Variants in ZCCHC14 observed in about 807,000 individuals in gnomAD.
ZCCHC14 encodes zinc finger CCHC-type containing 14.
Under a neutral mutation model 85.0 loss-of-function variants are expected in ZCCHC14, and 16 were observed. The observed-to-expected ratio is 0.19, with a 90% CI of 0.13 to 0.29. The LOEUF (loss-of-function observed/expected upper bound fraction) is 0.29. Ranked by LOEUF, ZCCHC14 falls within the 10% of genes least tolerant of loss-of-function variation. The pLI, the probability that ZCCHC14 is intolerant of heterozygous loss-of-function variation, is 1.00. For synonymous variants in ZCCHC14, 775 were observed against 630.7 expected, an observed-to-expected ratio of 1.23 and a Z score of -3.43; for missense variants, 1,303 against 1,443.5, an observed-to-expected ratio of 0.90 and a Z score of 1.58.
At chr16:87,437,074 C>A (rs965416491) in intron 2 of ZCCHC14, among the ~76,000 whole-genome samples, 5 of 152,086 alleles carry the variant, frequency 3.3e-5, no homozygotes, top group African/African-American at 1.2e-4. Context: ...CGGGAGCTCA[C>A]ACCTGTAATC....
intron 3 of ZCCHC14, among the ~76,000 whole-genome samples, chr16:87,426,434 C>T (rs973790662): frequency 1.3e-5 from 2 of 152,242 alleles, no homozygotes; most frequent in African/African-American, 4.8e-5. Context: ...GCTACTTAGC[C>T]TTATCTGGAC....
rs1908339482 is a variant in ZCCHC14, at chr16:87,409,450, G to C, written c.*830C>G. 6.6e-6 allele frequency: 1 copy of C among 152,238 alleles called. No homozygotes were observed. Among genetic ancestry groups the C allele is most frequent in the Non-Finnish European group, 1.5e-5 (1 of 68,042 alleles). 9.4% of individuals were successfully genotyped at this position (152,238 alleles called of 1,614,324 possible). On this transcript the variant is annotated 3_prime_UTR_variant, in exon 13 of 13. Coordinates refer to ENST00000671377, the MANE Select transcript of ZCCHC14 (RefSeq NM_015144.3). Reference sequence around the variant, plus strand: ...GTGGAAGATAGGGCTCAAAGCCACTGACTGGCTGGGAAGAAAGATACTCTC... The same window carrying C: ...GTGGAAGATAGGGCTCAAAGCCACTCACTGGCTGGGAAGAAAGATACTCTC...
chr16:87,406,291 TA>T lies in ZCCHC14; in HGVS notation c.*3988del, dbSNP rs1161819634. The T allele has an allele frequency of 1.3e-5, 2 of 152,552 alleles. No homozygotes were observed. Among genetic ancestry groups the T allele is most frequent in the Non-Finnish European group, 2.9e-5 (2 of 68,030 alleles). 9.4% of individuals were successfully genotyped at this position (152,552 alleles called of 1,614,324 possible). A position where few individuals can be genotyped will look rare whatever the true frequency, so the allele number is the denominator to read the frequency against. ...ATTTTCAGTACATTAAATTTACTCA[TA>T]AAAACATTCTAAAAATGTACAATTT... On this transcript the variant is annotated 3_prime_UTR_variant, in exon 13 of 13. Coordinates refer to ENST00000671377, the MANE Select transcript of ZCCHC14 (RefSeq NM_015144.3).
intron 1 of ZCCHC14, among the ~76,000 whole-genome samples, chr16:87,482,854 G>A (rs1421604386): frequency 6.6e-6 from 1 of 152,160 alleles, no homozygotes. Flanking sequence ...TATAAAAAGA[G>A]AATGACACAA....
intron 2 of ZCCHC14, among the ~76,000 whole-genome samples, chr16:87,453,682 C>T (rs1331061701): frequency 6.6e-6 from 1 of 152,234 alleles, no homozygotes; most frequent in Non-Finnish European, 1.5e-5. Flanking sequence ...AGACAATATT[C>T]CCTGTTGCAA....
At chr16:87,485,493 C>T (rs1912473493) in intron 1 of ZCCHC14, among the ~76,000 whole-genome samples, 1 of 150,780 alleles carries the variant, frequency 6.6e-6, no homozygotes, top group Admixed American at 6.6e-5. Flanking sequence ...AAGTCCAAAA[C>T]CAAAAGCCCT....
chr16:87,440,300 G>A (rs1049173884), intron 2 of ZCCHC14, among the ~76,000 whole-genome samples: 2 of 151,322 alleles, frequency 1.3e-5, no homozygotes, highest in African/African-American at 2.4e-5. Context: ...GAGTAGCTGG[G>A]ATTACAGGCG....
rs142052020 is a variant in ZCCHC14, at chr16:87,439,384, C to T, written c.695-6183G>A. ...TCCTGACCTTGTGATTCACCCGCCT[C>T]GGCCTCCCAAAGTGCTGGGATTACA... is the stretch of plus-strand genomic sequence containing the variant. On this transcript the variant is annotated intron_variant, in intron 2 of 12. Coordinates refer to ENST00000671377, the MANE Select transcript of ZCCHC14 (RefSeq NM_015144.3). Among the ~76,000 whole-genome samples the T allele has an allele frequency of 3.3e-5, 5 of 152,254 alleles. No individual in the cohort carries two copies. In the East Asian group the frequency reaches 5.8e-4, roughly 18 times the overall value.
intron 3 of ZCCHC14, among the ~76,000 whole-genome samples, chr16:87,425,576 A>G (rs1043801059): frequency 6.7e-6 from 1 of 148,566 alleles, no homozygotes; most frequent in Non-Finnish European, 1.5e-5. Context: ...AACTCTATCA[A>G]AAAAAAAAAA....
At chr16:87,414,122 C>A (rs1908639717) in intron 10 of ZCCHC14, among the ~76,000 whole-genome samples, 1 of 136,450 alleles carries the variant, frequency 7.3e-6, no homozygotes, top group Non-Finnish European at 1.5e-5. Context: ...CACACCGGCC[C>A]TCTCTGTGTA....
Position 87,410,119 on chromosome 16 carries a change from T to C in ZCCHC14, c.*161A>G, listed in dbSNP as rs1378133032. ...TCTAGGGTTTTGGCAATAAATCGAGTTTGATGCACTTCTACGCTAGATTTT... is the reference window on the plus strand; with the variant it reads ...TCTAGGGTTTTGGCAATAAATCGAGCTTGATGCACTTCTACGCTAGATTTT... On this transcript the variant is annotated 3_prime_UTR_variant, in exon 13 of 13. Coordinates refer to ENST00000671377, the MANE Select transcript of ZCCHC14 (RefSeq NM_015144.3). 1 of 518,076 alleles carries C rather than the reference T, an allele frequency of 1.9e-6. No individual in the cohort carries two copies. Among genetic ancestry groups the C allele is most frequent in the African/African-American group, 2.0e-5 (1 of 50,814 alleles). 32.1% of individuals were successfully genotyped at this position (518,076 alleles called of 1,614,324 possible).
At chr16:87,434,642 G>A (rs768412016) in intron 2 of ZCCHC14, among the ~76,000 whole-genome samples, 4 of 152,330 alleles carry the variant, frequency 2.6e-5, no homozygotes, top group South Asian at 2.1e-4. Context: ...CCCTCTCCAC[G>A]GGCGCCAGTG....
chr16:87,425,815 G>A lies in ZCCHC14; in HGVS notation c.769-1934C>T, dbSNP rs532740127. Among the ~76,000 whole-genome samples the A allele has an allele frequency of 8.3e-4, 127 of 152,172 alleles. 1 individual carries two copies. Among genetic ancestry groups the A allele is most frequent in the Non-Finnish European group, 1.3e-3 (89 of 67,994 alleles). ...CAAGGTAAAGCGTGTCATAGAAAAC[G>A]TCTCCTCTGCACAGCTCTCACACCT... On this transcript the variant is annotated intron_variant, in intron 3 of 12. Coordinates refer to ENST00000671377, the MANE Select transcript of ZCCHC14 (RefSeq NM_015144.3).
At chr16:87,456,197 C>A (rs990871356) in intron 2 of ZCCHC14, among the ~76,000 whole-genome samples, 15 of 152,172 alleles carry the variant, frequency 9.9e-5, no homozygotes, top group African/African-American at 3.6e-4. Flanking sequence ...GGAATCCCAG[C>A]ACAACCCAGG....
At chr16:87,426,254 G>A (rs1909365315) in intron 3 of ZCCHC14, among the ~76,000 whole-genome samples, 1 of 152,204 alleles carries the variant, frequency 6.6e-6, no homozygotes, top group African/African-American at 2.4e-5. Context: ...GGGGCATGGG[G>A]GCGGGAAGAG....
intron 3 of ZCCHC14, among the ~76,000 whole-genome samples, chr16:87,425,097 G>A (rs571303972): frequency 7.9e-5 from 12 of 152,122 alleles, no homozygotes; most frequent in South Asian, 2.1e-4. Flanking sequence ...GTCACATCAC[G>A]TAGCGTCACT....
intron 1 of ZCCHC14, among the ~76,000 whole-genome samples, chr16:87,479,418 A>AC (rs1912168124): frequency 7.0e-6 from 1 of 143,558 alleles, no homozygotes; most frequent in South Asian, 2.2e-4. Context: ...CTACGTCTCA[A>AC]AAAAAAAAAA....
chr16:87,479,757 T>A (rs1294955440), intron 1 of ZCCHC14, among the ~76,000 whole-genome samples: 1 of 152,090 alleles, frequency 6.6e-6, no homozygotes, highest in African/African-American at 2.4e-5. Context: ...CATACATGCC[T>A]CCACAGGCTC....
intron 12 of ZCCHC14, among the ~76,000 whole-genome samples, chr16:87,410,744 C>A (rs1400022121): frequency 6.6e-6 from 1 of 152,206 alleles, no homozygotes; most frequent in East Asian, 1.9e-4. Context: ...GGCAGAGCGC[C>A]TGTCAACCCA....
Sources: allele counts gnomAD v4.1 joint callset (sites outside exome capture counted in the v4.1 genomes callset), GRCh38; gene constraint gnomAD v4.1.1; transcripts MANE v1.5; gene names NCBI Gene and HGNC (gene_info 2026-07-23, HGNC 2026-07-21).